CNRIP1: variants seen among roughly 807,000 people sequenced by gnomAD.
The protein encoded by CNRIP1 is CB1 cannabinoid receptor-interacting protein 1.
Under a neutral mutation model 15.2 loss-of-function variants are expected in CNRIP1, and 10 were observed. The observed-to-expected ratio is 0.66, with a 90% CI of 0.41 to 1.12. The LOEUF is 1.12. CNRIP1 is among the 50% of genes most tolerant of loss of function. The probability of loss-of-function intolerance (pLI) is 0.00; values close to 1 mark genes in which losing one functional copy is unlikely to be tolerated. For missense variants in CNRIP1, 211 were observed against 214.7 expected, an observed-to-expected ratio of 0.98 and a Z score of 0.11; for synonymous variants, 91 against 83.2, an observed-to-expected ratio of 1.09 and a Z score of -0.51.
intron 2 of CNRIP1, among the ~76,000 whole-genome samples, chr2:68,308,427 T>C (rs1671943339): frequency 2.6e-5 from 4 of 152,154 alleles, no homozygotes; most frequent in Non-Finnish European, 5.9e-5. Flanking sequence ...TTTCTATTGT[T>C]TTATTCTCAC....
intron 2 of CNRIP1, among the ~76,000 whole-genome samples, chr2:68,305,270 A>G (rs1218944938): frequency 6.5e-4 from 64 of 98,600 alleles, no homozygotes; most frequent in African/African-American, 2.2e-3. Flanking sequence ...ATATATATAT[A>G]TATATGTGTG....
At chr2:68,289,345 A>G (rs1235491407), downstream of CNRIP1, among the ~76,000 whole-genome samples, 4 of 152,216 alleles carry the variant, frequency 2.6e-5, no homozygotes, top group Non-Finnish European at 1.5e-5. Context: ...AAGCATCAAA[A>G]TAGAGTATAA....
At chr2:68,318,928 A>T (rs1379105676) in intron 1 of CNRIP1, among the ~76,000 whole-genome samples, 1 of 152,246 alleles carries the variant, frequency 6.6e-6, no homozygotes, top group Non-Finnish European at 1.5e-5. Context: ...GACAGAAGGC[A>T]GGAGAAATTT....
chr2:68,291,731 T>C (rs193194911), downstream of CNRIP1, among the ~76,000 whole-genome samples: 7 of 151,992 alleles, frequency 4.6e-5, no homozygotes, highest in East Asian at 1.2e-3. Context: ...ATATAAAAAT[T>C]AGCTGAGCGT....
At chr2:68,284,830 A>G (rs567621595) in intron 2 of CNRIP1, among the ~76,000 whole-genome samples, 70 of 149,858 alleles carry the variant, frequency 4.7e-4, no homozygotes, top group African/African-American at 1.6e-3. Context: ...AAAAAAAAAG[A>G]AAAGAAAACC....
chr2:68,296,000 T>C (rs1671342427), intron 2 of CNRIP1, among the ~76,000 whole-genome samples: 2 of 152,218 alleles, frequency 1.3e-5, no homozygotes, highest in South Asian at 4.1e-4. Context: ...TTTGGAAGGA[T>C]CATTTGCATG....
At chr2:68,314,859 A>T (rs6717242) in intron 2 of CNRIP1, among the ~76,000 whole-genome samples, 113,125 of 151,822 alleles carry the variant, frequency 0.75, 42,556 homozygotes, top group African/African-American at 0.85. Flanking sequence ...TATAAAAGTA[A>T]GAACTGAAAT....
At chr2:68,312,597 G>A (rs1358867376) in intron 2 of CNRIP1, among the ~76,000 whole-genome samples, 3 of 152,098 alleles carry the variant, frequency 2.0e-5, no homozygotes, top group African/African-American at 4.8e-5. Context: ...AGCATACTGC[G>A]AAGGTCCTAG....
downstream of CNRIP1, among the ~76,000 whole-genome samples, chr2:68,289,870 C>A (rs1671120404): frequency 6.6e-6 from 1 of 152,036 alleles, no homozygotes; most frequent in African/African-American, 2.4e-5. Context: ...CTTATTTAAT[C>A]CTCATAACCA....
chr2:68,299,276 C>T (rs552684334), intron 2 of CNRIP1, among the ~76,000 whole-genome samples: 2 of 152,180 alleles, frequency 1.3e-5, no homozygotes, highest in South Asian at 2.1e-4. Context: ...TGAGTTGTCA[C>T]AGGTAGAATG....
At chr2:68,309,045 T>A (rs900537633) in intron 2 of CNRIP1, among the ~76,000 whole-genome samples, 12 of 152,260 alleles carry the variant, frequency 7.9e-5, no homozygotes, top group Middle Eastern at 3.4e-3. Flanking sequence ...AAAATAAAAA[T>A]GAAAACACTC....
At chr2:68,284,401 C>T in exon 3 of CNRIP1, 3 of 1,409,630 alleles carry the variant, frequency 2.1e-6, no homozygotes, top group East Asian at 2.7e-5. Context: ...ATTTGTTCCT[C>T]ATGATGGCAC....
chr2:68,304,027 A>G (rs922768374), intron 2 of CNRIP1, among the ~76,000 whole-genome samples: 7 of 152,100 alleles, frequency 4.6e-5, no homozygotes, highest in African/African-American at 1.4e-4. Context: ...CAGTGAGCCA[A>G]GATCACACCA....
chr2:68,313,373 T>C (rs946311918), intron 2 of CNRIP1, among the ~76,000 whole-genome samples: 1 of 152,150 alleles, frequency 6.6e-6, no homozygotes, highest in Admixed American at 6.5e-5. Flanking sequence ...CTGAGACTTA[T>C]ACTCAAATGT....
At chr2:68,285,708 C>A (rs1254566447) in intron 2 of CNRIP1, among the ~76,000 whole-genome samples, 4 of 149,798 alleles carry the variant, frequency 2.7e-5, no homozygotes, top group African/African-American at 9.8e-5. Flanking sequence ...AAAGGCAGAA[C>A]CTTTAGGCAG....
At chr2:68,308,171 T>C (rs899543397) in intron 2 of CNRIP1, among the ~76,000 whole-genome samples, 3 of 151,992 alleles carry the variant, frequency 2.0e-5, no homozygotes, top group Non-Finnish European at 4.4e-5. Flanking sequence ...CTAGCCTGGG[T>C]TACAGAGTGA....
At position 68,296,558 on chromosome 2, in the gene CNRIP1, A is replaced by ATGTG. The variant is rs1267128146; in HGVS notation, c.331-2536_331-2533dup. ...TCAAAAAAAAAATGTATGTGTATAT[A>ATGTG]TGTGTATGTGTGTGTGTGTGTGTAT... On this transcript the variant is annotated intron_variant, in intron 2 of 2. Transcript: ENST00000263655. 1.4e-4 allele frequency among the ~76,000 whole-genome samples: 14 copies of ATGTG among 96,626 alleles called. No individual in the cohort carries two copies. In the East Asian group the frequency reaches 4.6e-3, roughly 31 times the overall value. 63.4% of individuals were successfully genotyped at this position (96,626 alleles called of 152,430 possible).
rs889913021 is a variant in CNRIP1 at position 68,319,357 on chromosome 2, C to G, written c.44G>C (p.Arg15Pro). The G allele has an allele frequency of 1.3e-6, 2 of 1,584,228 alleles. No homozygotes were observed. Among genetic ancestry groups the G allele is most frequent in the Non-Finnish European group, 1.7e-6 (2 of 1,166,096 alleles). The change falls in exon 1 of 3, where the codon CGC becomes CCC. Residue 15 changes from arginine (R) to proline (P), a missense_variant. Coordinates refer to ENST00000263655, the MANE Select transcript of CNRIP1 (RefSeq NM_015463.3). ...PGLVRLSIAL[R>P]IQPNDGPVFY... Reference sequence around the variant, plus strand: ...GACCGGGCCGTCATTAGGCTGGATGCGCAGCGCGATGGAGAGGCGCACGAG... The same window carrying G: ...GACCGGGCCGTCATTAGGCTGGATGGGCAGCGCGATGGAGAGGCGCACGAG...
exon 3 of CNRIP1, chr2:68,284,247 C>T (rs1670973364): frequency 2.3e-6 from 1 of 436,940 alleles, no homozygotes; most frequent in African/African-American, 2.0e-5. Flanking sequence ...GATTTACTCT[C>T]AGAGAGTTTG....
Sources: allele counts gnomAD v4.1 joint callset (sites outside exome capture counted in the v4.1 genomes callset), GRCh38; gene constraint gnomAD v4.1.1; transcripts MANE v1.5; gene names NCBI Gene and HGNC (gene_info 2026-07-23, HGNC 2026-07-21).